The following TBC1D12 variants were observed in gnomAD, a reference collection of about 807,000 sequenced individuals.
The protein encoded by TBC1D12 is TBC1 domain family, member 12.
Under a neutral mutation model 86.7 loss-of-function variants are expected in TBC1D12, and 56 were observed. That is an observed-to-expected ratio of 0.65 (90% CI 0.52 to 0.81). TBC1D12 has a LOEUF of 0.81. Ranked by LOEUF, TBC1D12 falls within the 30% of genes least tolerant of loss-of-function variation. The pLI is 0.00. For synonymous variants in TBC1D12, 421 were observed against 411.7 expected (o/e 1.02, Z -0.27); for missense variants, 1,023 against 1,038.8 (o/e 0.98, Z 0.21).
rs753424064 is a variant in TBC1D12 at position 94,465,655 on chromosome 10, A to AATATAT, written c.1096-9002_1096-8997dup. On this transcript the variant is annotated intron_variant, in intron 2 of 12. Transcript: ENST00000225235. ...AGCAAGACTCTTGCCTAAAAAAAAA[A>AATATAT]ATATATATATATATATGTGTGTGTG... is the stretch of plus-strand genomic sequence containing the variant. Among the ~76,000 whole-genome samples, 562 of 106,684 alleles carry AATATAT rather than the reference A, an allele frequency of 5.3e-3. 8 individuals carry two copies. In the East Asian group the frequency reaches 0.088, roughly 17 times the overall value. The allele number at this position is 106,684 out of a possible 152,430, so 70.0% of individuals were successfully genotyped here. A position where few individuals can be genotyped will look rare whatever the true frequency, so the allele number is the denominator to read the frequency against.
intron 4 of TBC1D12, among the ~76,000 whole-genome samples, chr10:94,494,240 A>T (rs1186751180): frequency 6.6e-6 from 1 of 152,172 alleles, no homozygotes; most frequent in African/African-American, 2.4e-5. Flanking sequence ...TTATTTCAGG[A>T]TAAACATACA....
intron 1 of TBC1D12, among the ~76,000 whole-genome samples, chr10:94,435,805 A>G (rs1355908351): frequency 1.3e-5 from 2 of 152,190 alleles, no homozygotes; most frequent in Non-Finnish European, 2.9e-5. Flanking sequence ...AGCTTTCAAA[A>G]GTTTGCCTTT....
At chr10:94,507,219 A>G (rs770436963) in intron 6 of TBC1D12, 48 bp from the exon 7 acceptor site, 3 of 1,562,052 alleles carry the variant, frequency 1.9e-6, no homozygotes, top group African/African-American at 1.4e-5. Context: ...TTGCAAATAT[A>G]TTTCTTTCCT....
intron 2 of TBC1D12, among the ~76,000 whole-genome samples, chr10:94,460,648 T>C (rs144291194): frequency 2.6e-5 from 4 of 152,114 alleles, no homozygotes; most frequent in Non-Finnish European, 4.4e-5. Flanking sequence ...TGACATTAAT[T>C]TGGGGGAAAT....
intron 2 of TBC1D12, among the ~76,000 whole-genome samples, chr10:94,473,917 G>T (rs2055947810): frequency 6.6e-6 from 1 of 152,128 alleles, no homozygotes; most frequent in Non-Finnish European, 1.5e-5. Context: ...ACTATAGTAA[G>T]TTTCTTAATT....
intron 9 of TBC1D12, among the ~76,000 whole-genome samples, chr10:94,512,094 T>C (rs902351937): frequency 6.6e-6 from 1 of 152,168 alleles, no homozygotes; most frequent in Non-Finnish European, 1.5e-5. Context: ...TTTCTCCATT[T>C]CACAGGTACC....
intron 6 of TBC1D12, among the ~76,000 whole-genome samples, chr10:94,506,351 T>A (rs1216425527): frequency 6.6e-6 from 1 of 152,202 alleles, no homozygotes; most frequent in Non-Finnish European, 1.5e-5. Flanking sequence ...CTTTTTGAAA[T>A]TTTTTAAAAC....
chr10:94,466,234 A>G (rs1418117767), intron 2 of TBC1D12, among the ~76,000 whole-genome samples: 1 of 152,030 alleles, frequency 6.6e-6, no homozygotes, highest in Non-Finnish European at 1.5e-5. Flanking sequence ...ATTTGCCAGT[A>G]TATTTCTGTA....
At chr10:94,462,202 A>G (rs2055739782) in intron 2 of TBC1D12, among the ~76,000 whole-genome samples, 1 of 152,222 alleles carries the variant, frequency 6.6e-6, no homozygotes, top group Non-Finnish European at 1.5e-5. Flanking sequence ...TTATTTGTGT[A>G]GAATTGGTGT....
In TBC1D12 at chr10:94,491,565, C is replaced by T. The variant is rs1280171872; in HGVS notation, c.1212-1800C>T. Among the ~76,000 whole-genome samples, 3 of 152,314 alleles carry T rather than the reference C, an allele frequency of 2.0e-5. No homozygotes were observed. In the East Asian group the frequency reaches 5.8e-4, roughly 29 times the overall value. On this transcript the variant is annotated intron_variant, in intron 3 of 12. Coordinates refer to ENST00000225235, the MANE Select transcript of TBC1D12 (RefSeq NM_015188.2). ...GGCAATTTCAGTTACCTGTACTCAG[C>T]TGTGGTTTGAAAACATTAAGTGGAA... is the stretch of plus-strand genomic sequence containing the variant.
rs1425009545 is a variant in TBC1D12, at chr10:94,474,603, C to G, written c.1096-65C>G. The G allele has an allele frequency of 4.5e-6, 5 of 1,120,464 alleles. No homozygotes were observed. The African/African-American group carries it at 6.2e-5, about 14-fold the overall frequency. 69.4% of individuals were successfully genotyped at this position (1,120,464 alleles called of 1,614,324 possible). On this transcript the variant is annotated intron_variant, in intron 2 of 12. Coordinates refer to ENST00000225235, the MANE Select transcript of TBC1D12 (RefSeq NM_015188.2). ...TTATAGCATAATATTTTTAATGATACAGATTTAATAGTACAAACTATGTTG... is the reference window on the plus strand; with the variant it reads ...TTATAGCATAATATTTTTAATGATAGAGATTTAATAGTACAAACTATGTTG...
chr10:94,437,991 CTTTTTTTTTTTTTTT>C (rs60477158), intron 1 of TBC1D12, among the ~76,000 whole-genome samples: 3 of 30,038 alleles, frequency 1.0e-4, no homozygotes, highest in Non-Finnish European at 1.6e-4. Context: ...TCTCCTGGAG[CTTTTTTTTTTTTTTT>C]TTTTTTTTTT....
chr10:94,413,851 CATA>C (rs1390513121), intron 1 of TBC1D12, among the ~76,000 whole-genome samples: 1 of 151,840 alleles, frequency 6.6e-6, no homozygotes, highest in Non-Finnish European at 1.5e-5. Flanking sequence ...TGGAACTGAA[CATA>C]ATAATTTTGA....
At chr10:94,506,403 AAG>A (rs2056461480) in intron 6 of TBC1D12, among the ~76,000 whole-genome samples, 1 of 152,230 alleles carries the variant, frequency 6.6e-6, no homozygotes, top group Non-Finnish European at 1.5e-5. Flanking sequence ...AAATTTTAAA[AAG>A]AATTAATTGA....
At chr10:94,519,249 T>A (rs778714311) in intron 9 of TBC1D12, among the ~76,000 whole-genome samples, 1 of 152,226 alleles carries the variant, frequency 6.6e-6, no homozygotes, top group Non-Finnish European at 1.5e-5. Context: ...ACCATTCTAT[T>A]ACAGATGGTT....
chr10:94,421,347 A>T (rs2055070878), intron 1 of TBC1D12, among the ~76,000 whole-genome samples: 1 of 152,226 alleles, frequency 6.6e-6, no homozygotes, highest in African/African-American at 2.4e-5. Flanking sequence ...ATGTTGTCAC[A>T]AATGACAGAA....
At chr10:94,486,758 T>C (rs982982651) in intron 3 of TBC1D12, among the ~76,000 whole-genome samples, 1 of 152,182 alleles carries the variant, frequency 6.6e-6, no homozygotes, top group Non-Finnish European at 1.5e-5. Context: ...AAATGATCCA[T>C]GTGCTGAGGA....
At chr10:94,522,959 G>A (rs974456474) in intron 11 of TBC1D12, among the ~76,000 whole-genome samples, 13 of 148,896 alleles carry the variant, frequency 8.7e-5, no homozygotes, top group Admixed American at 6.8e-4. Context: ...CAGGAGAATC[G>A]CTTGAACCCA....
chr10:94,445,310 CGTT>C (rs1299230771), intron 2 of TBC1D12, among the ~76,000 whole-genome samples: 1 of 151,552 alleles, frequency 6.6e-6, no homozygotes, highest in Non-Finnish European at 1.5e-5. Flanking sequence ...AGTGAGCCGA[CGTT>C]GTGCCACTGC....
Sources: gnomAD v4.1 joint callset for allele counts (sites outside exome capture counted in the v4.1 genomes callset) on GRCh38, gnomAD v4.1.1 for gene constraint, MANE v1.5 for transcripts, NCBI Gene and HGNC (gene_info 2026-07-23, HGNC 2026-07-21) for gene names.